Variants in FLYWCH2 observed in about 807,000 individuals in gnomAD.
The protein encoded by FLYWCH2 is FLYWCH family member 2.
A neutral mutation model predicts 6.0 loss-of-function variants in FLYWCH2; 2 were observed. That is an observed-to-expected ratio of 0.33 (90% confidence interval 0.14 to 1.04). The LOEUF is 1.04. Ranked by LOEUF, FLYWCH2 falls within the 50% of genes least tolerant of loss-of-function variation. The probability of loss-of-function intolerance (pLI) is 0.45; values close to 1 mark genes in which losing one functional copy is unlikely to be tolerated. For synonymous variants in FLYWCH2, 87 were observed against 79.3 expected, an observed-to-expected ratio of 1.10 and a Z score of -0.52; for missense variants, 192 against 183.4, an observed-to-expected ratio of 1.05 and a Z score of -0.27.
chr16:2,889,738 C>T (rs1288414574), intron 1 of FLYWCH2, among the ~76,000 whole-genome samples: 1 of 151,900 alleles, frequency 6.6e-6, no homozygotes. Flanking sequence ...ATAGATCTTC[C>T]CCACCCCCAG....
At chr16:2,889,628 G>A (rs1034726830) in intron 1 of FLYWCH2, among the ~76,000 whole-genome samples, 1 of 151,338 alleles carries the variant, frequency 6.6e-6, no homozygotes, top group Admixed American at 6.6e-5. Context: ...AATGTTTTGG[G>A]TCATATTAAT....
rs770552562 is a variant in FLYWCH2, at chr16:2,896,545, C to T, written c.96C>T (p.Ala32=). The T allele has an allele frequency of 6.2e-7, 1 of 1,614,078 alleles. No individual in the cohort carries two copies. Among genetic ancestry groups the T allele is most frequent in the African/African-American group, 1.3e-5 (1 of 74,928 alleles). Residue 32 remains alanine, a synonymous_variant, in exon 3 of 4, where the codon GCC becomes GCT. Coordinates refer to ENST00000396958, the MANE Select transcript of FLYWCH2 (RefSeq NM_138439.3). ...PKPGTEVIPA[A]PRKPRKFSKL... The stretch of plus-strand genomic sequence containing the variant: ...CAGGCACAGAAGTCATCCCGGCAGC[C>T]CCCAGGAAGCCCAGAAAGTTCTCCA...
intron 1 of FLYWCH2, among the ~76,000 whole-genome samples, chr16:2,885,576 A>G (rs2069689817): frequency 6.6e-6 from 1 of 152,192 alleles, no homozygotes; most frequent in Non-Finnish European, 1.5e-5. Context: ...ATGGAATCAT[A>G]TAATATGTGG....
In FLYWCH2 at chr16:2,896,506, G is replaced by A. The variant is rs201388737; in HGVS notation, c.57G>A (p.Glu19=). The A allele has an allele frequency of 6.8e-6, 11 of 1,614,074 alleles. No homozygotes were observed. The highest frequency in any genetic ancestry group is 9.3e-6 in the Non-Finnish European group (11 of 1,179,980). Residue 19 remains glutamate, a synonymous_variant, in exon 3 of 4, where the codon GAG becomes GAA. Coordinates refer to ENST00000396958, the MANE Select transcript of FLYWCH2 (RefSeq NM_138439.3). Reference sequence around the variant, plus strand: ...GTGAGAGTGTGAAGGCCAGCCAGGAGCCATCCCCCAAGCCAGGCACAGAAG... The same window carrying A: ...GTGAGAGTGTGAAGGCCAGCCAGGAACCATCCCCCAAGCCAGGCACAGAAG... ...QEGESVKASQ[E]PSPKPGTEVI... is the part of the protein sequence containing the mutation.
chr16:2,884,899 C>G (rs188482507), intron 1 of FLYWCH2, among the ~76,000 whole-genome samples: 206 of 150,472 alleles, frequency 1.4e-3, no homozygotes, highest in Non-Finnish European at 2.2e-3. Context: ...AAAAAAAACT[C>G]CGGGTGATTC....
chr16:2,886,862 G>T (rs1278777246), intron 1 of FLYWCH2, among the ~76,000 whole-genome samples: 1 of 151,962 alleles, frequency 6.6e-6, no homozygotes, highest in African/African-American at 2.4e-5. Context: ...GTTTATTACT[G>T]AGTTGTAATA....
chr16:2,892,641 C>T (rs112792631), intron 1 of FLYWCH2, among the ~76,000 whole-genome samples: 3 of 151,730 alleles, frequency 2.0e-5, no homozygotes, highest in Non-Finnish European at 2.9e-5. Context: ...GTCAACAGAT[C>T]GAGACCATCC....
At chr16:2,885,366 G>A (rs1306280501) in intron 1 of FLYWCH2, among the ~76,000 whole-genome samples, 2 of 151,862 alleles carry the variant, frequency 1.3e-5, no homozygotes, top group Non-Finnish European at 2.9e-5. Context: ...AGTGGCTTTA[G>A]TGTGATCACA....
intron 1 of FLYWCH2, among the ~76,000 whole-genome samples, chr16:2,888,030 G>A (rs1469468414): frequency 2.1e-5 from 3 of 139,620 alleles, no homozygotes; most frequent in African/African-American, 7.8e-5. Context: ...TTTTTAAGAG[G>A]TGGAGTCTCG....
intron 1 of FLYWCH2, among the ~76,000 whole-genome samples, chr16:2,884,828 C>T (rs967832590): frequency 1.3e-5 from 2 of 150,720 alleles, no homozygotes; most frequent in Non-Finnish European, 1.5e-5. Flanking sequence ...GACCCAAGGT[C>T]GCGCCACTGC....
At chr16:2,897,418 A>C (rs1269201897) in intron 3 of FLYWCH2, among the ~76,000 whole-genome samples, 1 of 152,084 alleles carries the variant, frequency 6.6e-6, no homozygotes, top group Non-Finnish European at 1.5e-5. Flanking sequence ...GTGTGGCCCT[A>C]GCTGCTGCGG....
In FLYWCH2 at chr16:2,891,614, C is replaced by T. The variant is rs939819924; in HGVS notation, c.-199-3606C>T. ...TAGAGATGGGGTTTCACCGTGTTAG[C>T]CAGGATGGTCTTGATCTCCTGACCT... On this transcript the variant is annotated intron_variant, in intron 1 of 3. Transcript: ENST00000396958. 2.0e-5 allele frequency among the ~76,000 whole-genome samples: 3 copies of T among 152,148 alleles called. No individual in the cohort carries two copies. In the East Asian group the frequency reaches 5.9e-4, roughly 30 times the overall value.
chr16:2,899,170 T>A lies in FLYWCH2; in HGVS notation c.*21T>A, dbSNP rs377448745. ...TGTAACCTTGACAACAGGCGCATCC[T>A]CCCAGGCCACCAACCCAGCCATAGG... On this transcript the variant is annotated 3_prime_UTR_variant, in exon 4 of 4. Coordinates refer to ENST00000396958, the MANE Select transcript of FLYWCH2 (RefSeq NM_138439.3). The A allele has an allele frequency of 3.8e-6, 6 of 1,593,562 alleles. No individual in the cohort carries two copies. The highest frequency in any genetic ancestry group is 1.3e-5 in the African/African-American group (1 of 74,354).
At chr16:2,895,127 T>A (rs2069803968) in intron 1 of FLYWCH2, 93 bp from the exon 2 acceptor site, 1 of 151,196 alleles carries the variant, frequency 6.6e-6, no homozygotes, top group Admixed American at 6.6e-5. Context: ...CACACTGGCC[T>A]GGAGCCCCAG....
intron 1 of FLYWCH2, among the ~76,000 whole-genome samples, chr16:2,884,578 T>A (rs7498494): frequency 0.49 from 31,142 of 63,234 alleles, 6,260 homozygotes; most frequent in Non-Finnish European, 0.55. Flanking sequence ...AAAAAAAAAA[T>A]ACAAAAATTA....
At chr16:2,891,571 A>AT (rs1348744498) in intron 1 of FLYWCH2, among the ~76,000 whole-genome samples, 2 of 151,852 alleles carry the variant, frequency 1.3e-5, no homozygotes, top group East Asian at 3.9e-4. Context: ...CGCCCGTCTA[A>AT]TTTTTTTGTA....
chr16:2,899,165 C>T lies in FLYWCH2; in HGVS notation c.*16C>T. 6.2e-7 allele frequency: 1 copy of T among 1,602,426 alleles called. No individual in the cohort carries two copies. The highest frequency in any genetic ancestry group is 8.5e-7 in the Non-Finnish European group (1 of 1,172,686). ...GTCCCTGTAACCTTGACAACAGGCGCATCCTCCCAGGCCACCAACCCAGCC... is the reference window on the plus strand; with the variant it reads ...GTCCCTGTAACCTTGACAACAGGCGTATCCTCCCAGGCCACCAACCCAGCC... On this transcript the variant is annotated 3_prime_UTR_variant, in exon 4 of 4. Transcript: ENST00000396958.
intron 1 of FLYWCH2, among the ~76,000 whole-genome samples, chr16:2,885,228 A>G (rs2069685164): frequency 6.6e-6 from 1 of 152,144 alleles, no homozygotes. Flanking sequence ...AGGCTGAGGC[A>G]GGAGAATGGC....
intron 1 of FLYWCH2, among the ~76,000 whole-genome samples, chr16:2,888,196 G>C (rs1490691766): frequency 6.6e-6 from 1 of 151,846 alleles, no homozygotes; most frequent in East Asian, 1.9e-4. Context: ...TTTTAGTAGA[G>C]ACGGGGTTTC....
Sources: allele counts gnomAD v4.1 joint callset (sites outside exome capture counted in the v4.1 genomes callset), GRCh38; gene constraint gnomAD v4.1.1; transcripts MANE v1.5; gene names NCBI Gene and HGNC (gene_info 2026-07-23, HGNC 2026-07-21).